LHFPL3: variants seen among roughly 807,000 people sequenced by gnomAD.
LHFPL3 encodes LHFPL tetraspan subfamily member 3.
Under a neutral mutation model 19.3 loss-of-function variants are expected in LHFPL3, and 5 were observed. The ratio of observed to expected loss-of-function variants is 0.26; its 90% CI spans 0.14 to 0.54. The LOEUF (loss-of-function observed/expected upper bound fraction) is 0.54. LHFPL3 is among the 20% of genes least tolerant of loss of function. The pLI is 0.94. For synonymous variants in LHFPL3, 133 were observed against 126.2 expected (o/e 1.05, Z -0.36); for missense variants, 249 against 307.4 (o/e 0.81, Z 1.42).
chr7:104,879,794 G>A (rs139555119), intron 2 of LHFPL3, among the ~76,000 whole-genome samples: 46 of 152,352 alleles, frequency 3.0e-4, no homozygotes, highest in African/African-American at 1.0e-3. Flanking sequence ...ACTGATGAAC[G>A]TGGCTACACC....
intron 1 of LHFPL3, among the ~76,000 whole-genome samples, chr7:104,455,290 T>G (rs1792518080): frequency 6.6e-6 from 1 of 152,240 alleles, no homozygotes; most frequent in African/African-American, 2.4e-5. Context: ...AACGTGCAAA[T>G]TAGTTGATTC....
At chr7:104,583,444 G>A (rs1476158365) in intron 1 of LHFPL3, among the ~76,000 whole-genome samples, 3 of 152,090 alleles carry the variant, frequency 2.0e-5, no homozygotes, top group Non-Finnish European at 4.4e-5. Flanking sequence ...CGCAACAAAA[G>A]CCAAAATTGA....
At chr7:104,643,777 C>T (rs1791880134) in intron 1 of LHFPL3, among the ~76,000 whole-genome samples, 1 of 152,202 alleles carries the variant, frequency 6.6e-6, no homozygotes, top group Admixed American at 6.5e-5. Flanking sequence ...AGGCCACCTG[C>T]GCAAGATCCA....
chr7:104,517,138 A>G (rs1049928112), intron 1 of LHFPL3, among the ~76,000 whole-genome samples: 1 of 152,076 alleles, frequency 6.6e-6, no homozygotes, highest in Non-Finnish European at 1.5e-5. Context: ...AGTGGGGCCT[A>G]TCGGAGGGTG....
chr7:104,338,249 C>G, intron 1 of LHFPL3, among the ~76,000 whole-genome samples: 1 of 151,818 alleles, frequency 6.6e-6, no homozygotes, highest in East Asian at 1.9e-4. Context: ...CAGGCGCCCG[C>G]CACCACGCCC....
chr7:104,414,256 T>C lies in LHFPL3; in HGVS notation c.445+85032T>C, dbSNP rs573114556. ...TGTCTTATCCATGTAAGAAATGTGCTCTTAATTAGAATTTCCCTTCGGCTT... is the reference window on the plus strand; with the variant it reads ...TGTCTTATCCATGTAAGAAATGTGCCCTTAATTAGAATTTCCCTTCGGCTT... On this transcript the variant is annotated intron_variant, in intron 1 of 2. Transcript: ENST00000424859. Among the ~76,000 whole-genome samples, 3 of 152,310 alleles carry C rather than the reference T, an allele frequency of 2.0e-5. No individual in the cohort carries two copies. The South Asian group carries it at 6.2e-4, about 32-fold the overall frequency.
At chr7:104,376,863 A>G (rs1790725660) in intron 1 of LHFPL3, among the ~76,000 whole-genome samples, 1 of 152,180 alleles carries the variant, frequency 6.6e-6, no homozygotes, top group African/African-American at 2.4e-5. Flanking sequence ...AAAATAATGT[A>G]GCTTTTTTTC....
At chr7:104,894,348 T>C (rs1179376527) in intron 2 of LHFPL3, among the ~76,000 whole-genome samples, 1 of 152,218 alleles carries the variant, frequency 6.6e-6, no homozygotes, top group Non-Finnish European at 1.5e-5. Flanking sequence ...ATTATCATTA[T>C]AGGGAACTCT....
intron 1 of LHFPL3, among the ~76,000 whole-genome samples, chr7:104,573,059 G>T (rs1790257263): frequency 6.6e-6 from 1 of 152,074 alleles, no homozygotes; most frequent in African/African-American, 2.4e-5. Context: ...TTTCATTAAA[G>T]GTACTATAGG....
At chr7:104,390,489 C>T (rs1791043280) in intron 1 of LHFPL3, among the ~76,000 whole-genome samples, 1 of 152,110 alleles carries the variant, frequency 6.6e-6, no homozygotes, top group African/African-American at 2.4e-5. Flanking sequence ...TTTCCAGCTC[C>T]ATGTCCCTAC....
chr7:104,600,860 A>C (rs1790950482), intron 1 of LHFPL3, among the ~76,000 whole-genome samples: 1 of 152,204 alleles, frequency 6.6e-6, no homozygotes, highest in Non-Finnish European at 1.5e-5. Flanking sequence ...GCATATTCGC[A>C]TCAGCTAAGG....
At chr7:104,798,099 A>T (rs531168522) in intron 2 of LHFPL3, among the ~76,000 whole-genome samples, 1 of 152,310 alleles carries the variant, frequency 6.6e-6, no homozygotes, top group African/African-American at 2.4e-5. Context: ...TGGCAGGCCA[A>T]GGTGCGCAAG....
intron 1 of LHFPL3, among the ~76,000 whole-genome samples, chr7:104,549,240 C>T (rs1246312996): frequency 6.6e-6 from 1 of 151,976 alleles, no homozygotes; most frequent in Non-Finnish European, 1.5e-5. Flanking sequence ...AAGAGACTAA[C>T]TTCTCTCTTC....
chr7:104,348,721 A>G (rs1476546608), intron 1 of LHFPL3, among the ~76,000 whole-genome samples: 4 of 152,204 alleles, frequency 2.6e-5, no homozygotes, highest in Non-Finnish European at 4.4e-5. Context: ...TAGCAACTAT[A>G]AAATCCGAAA....
At chr7:104,670,491 G>T (rs1792456580) in intron 1 of LHFPL3, among the ~76,000 whole-genome samples, 1 of 152,142 alleles carries the variant, frequency 6.6e-6, no homozygotes, top group Non-Finnish European at 1.5e-5. Context: ...GTCATCTTAA[G>T]TTCTTCATGC....
At position 104,469,080 on chromosome 7, in the gene LHFPL3, C is replaced by T. The variant is rs75499914; in HGVS notation, c.445+139856C>T. 5.1e-3 allele frequency among the ~76,000 whole-genome samples: 777 copies of T among 152,286 alleles called. 44 individuals are homozygous for T. The East Asian group carries it at 0.13, about 25-fold the overall frequency. ...TCCAATTTAACAAGCTCACATCAAA[C>T]CTTTGCCCAGTGGACATATGGATGG... On this transcript the variant is annotated intron_variant, in intron 1 of 2. Coordinates refer to ENST00000424859, the MANE Select transcript of LHFPL3 (RefSeq NM_199000.3).
intron 2 of LHFPL3, among the ~76,000 whole-genome samples, chr7:104,844,965 C>T (rs1048354262): frequency 1.3e-5 from 2 of 152,214 alleles, no homozygotes; most frequent in African/African-American, 4.8e-5. Context: ...ATCTCGAACT[C>T]CTGACCTCAA....
chr7:104,359,094 C>T (rs539712194), intron 1 of LHFPL3, among the ~76,000 whole-genome samples: 30 of 152,312 alleles, frequency 2.0e-4, no homozygotes, highest in African/African-American at 7.0e-4. Flanking sequence ...TGCAGAGATA[C>T]ACAAAGAGGG....
chr7:104,403,903 T>G (rs1401920659), intron 1 of LHFPL3, among the ~76,000 whole-genome samples: 1 of 152,238 alleles, frequency 6.6e-6, no homozygotes, highest in East Asian at 1.9e-4. Context: ...GAGTGTTATA[T>G]TTTTAAATGG....
Sources: allele counts gnomAD v4.1 joint callset (sites outside exome capture counted in the v4.1 genomes callset), GRCh38; gene constraint gnomAD v4.1.1; transcripts MANE v1.5; gene names NCBI Gene and HGNC (gene_info 2026-07-23, HGNC 2026-07-21).